The following DIS3L2 variants were observed in gnomAD, a reference collection of about 807,000 sequenced individuals.
The protein encoded by DIS3L2 is DIS3-like exonuclease 2.
A neutral mutation model predicts 97.5 loss-of-function variants in DIS3L2; 34 were observed. That is an observed-to-expected ratio of 0.35 (90% CI 0.27 to 0.46). The LOEUF is 0.46. DIS3L2 is among the 20% of genes least tolerant of loss of function. The pLI, the probability that DIS3L2 is intolerant of heterozygous loss-of-function variation, is 1.00. For missense variants in DIS3L2, 1,038 were observed against 1,146.0 expected (o/e 0.91, Z 1.36); for synonymous variants, 435 against 445.2 (o/e 0.98, Z 0.29).
At chr2:232,265,789 T>A (rs959256811) in intron 13 of DIS3L2, among the ~76,000 whole-genome samples, 1 of 152,250 alleles carries the variant, frequency 6.6e-6, no homozygotes, top group Non-Finnish European at 1.5e-5. Context: ...GCTTCATAAA[T>A]GTCTAAATTC....
chr2:232,216,755 G>C (rs1353398339), intron 10 of DIS3L2, among the ~76,000 whole-genome samples: 2 of 152,102 alleles, frequency 1.3e-5, no homozygotes, highest in African/African-American at 2.4e-5. Context: ...CGTTTTGCAG[G>C]GTCTTGAAGA....
chr2:232,181,826 T>C, intron 9 of DIS3L2, among the ~76,000 whole-genome samples: 1 of 151,958 alleles, frequency 6.6e-6, no homozygotes, highest in Non-Finnish European at 1.5e-5. Flanking sequence ...TGTTTGTTTG[T>C]TTTTTAGTAA....
At chr2:232,232,915 G>A (rs1312877856) in intron 10 of DIS3L2, among the ~76,000 whole-genome samples, 4 of 152,160 alleles carry the variant, frequency 2.6e-5, no homozygotes, top group Admixed American at 6.5e-5. Context: ...TAAGGGACAC[G>A]GAGAGGCAGA....
intron 8 of DIS3L2, among the ~76,000 whole-genome samples, chr2:232,149,139 A>G (rs1690315791): frequency 6.6e-6 from 1 of 150,428 alleles, no homozygotes; most frequent in Non-Finnish European, 1.5e-5. Context: ...CTTAAAAAAG[A>G]TACCCTGCAC....
chr2:232,113,973 A>G (rs1697622651), intron 6 of DIS3L2, among the ~76,000 whole-genome samples: 1 of 152,186 alleles, frequency 6.6e-6, no homozygotes. Flanking sequence ...ACTGCACTTG[A>G]TGGATCAGCT....
rs190615697 is a variant in DIS3L2, at chr2:232,148,174, C to A, written c.950+11455C>A. Among the ~76,000 whole-genome samples, 941 of 151,982 alleles carry A rather than the reference C, an allele frequency of 6.2e-3. 9 individuals are homozygous for A. The highest frequency in any genetic ancestry group is 0.021 in the African/African-American group (891 of 41,448). On this transcript the variant is annotated intron_variant, in intron 8 of 20. Transcript: ENST00000325385. ...AAGCGATTCTCCTGCCTCAACCTCC[C>A]AAGTAACTGAGATTACAGGTGCGCA...
chr2:232,031,499 T>C (rs1157465405), intron 5 of DIS3L2, among the ~76,000 whole-genome samples: 2 of 151,264 alleles, frequency 1.3e-5, no homozygotes, highest in African/African-American at 4.9e-5. Flanking sequence ...AGGGTTTCTT[T>C]TTTTTTTTTT....
chr2:232,331,542 G>T (rs1695738417), intron 16 of DIS3L2: 1 of 152,212 alleles, frequency 6.6e-6, no homozygotes, highest in Non-Finnish European at 1.5e-5. Flanking sequence ...AGCCATCAGG[G>T]CCTGCTTGGG....
At chr2:232,141,640 A>G (rs10200773) in intron 8 of DIS3L2, among the ~76,000 whole-genome samples, 7,476 of 152,192 alleles carry the variant, frequency 0.049, 615 homozygotes, top group African/African-American at 0.17. Context: ...CCATTGGAGC[A>G]GATGACGGAG....
At chr2:232,032,302 G>A (rs1438766830) in intron 5 of DIS3L2, among the ~76,000 whole-genome samples, 4 of 152,144 alleles carry the variant, frequency 2.6e-5, no homozygotes, top group African/African-American at 9.7e-5. Context: ...CCACATAAAT[G>A]TCTTCTTTTG....
At chr2:232,129,719 A>G (rs1461711147) in intron 6 of DIS3L2, among the ~76,000 whole-genome samples, 1 of 152,170 alleles carries the variant, frequency 6.6e-6, no homozygotes, top group Non-Finnish European at 1.5e-5. Context: ...CCTGAAAAGG[A>G]TTGATTTATT....
At chr2:232,005,165 T>C (rs960401270) in intron 1 of DIS3L2, among the ~76,000 whole-genome samples, 1 of 133,050 alleles carries the variant, frequency 7.5e-6, no homozygotes, top group Non-Finnish European at 1.6e-5. Flanking sequence ...CTTTGAAGAA[T>C]CTTGATTTTT....
intron 13 of DIS3L2, among the ~76,000 whole-genome samples, chr2:232,291,701 C>T (rs765127451): frequency 3.3e-5 from 5 of 152,240 alleles, no homozygotes; most frequent in African/African-American, 4.8e-5. Flanking sequence ...GAGGGGAGCT[C>T]TGAGCTAGCA....
intron 6 of DIS3L2, among the ~76,000 whole-genome samples, chr2:232,099,705 A>G (rs1454622392): frequency 2.6e-5 from 4 of 152,200 alleles, no homozygotes; most frequent in Non-Finnish European, 5.9e-5. Context: ...GTAAAATTGT[A>G]CCTGCTGTTT....
chr2:232,198,160 C>G (rs1175637900), intron 9 of DIS3L2, among the ~76,000 whole-genome samples: 2 of 151,958 alleles, frequency 1.3e-5, no homozygotes, highest in African/African-American at 4.8e-5. Context: ...CCTCAGTTTC[C>G]CCACCCACAA....
Position 232,103,838 on chromosome 2 carries a change from T to G in DIS3L2, c.601+16117T>G, listed in dbSNP as rs146862865. On this transcript the variant is annotated intron_variant, in intron 6 of 20. Transcript: ENST00000325385. ...TTCTCAATCTCCGGTGATTATTGAT[T>G]TCTTTAAATTTTCTTTGCATGTATT... Among the ~76,000 whole-genome samples the G allele has an allele frequency of 2.2e-3, 336 of 152,318 alleles. 1 individual carries two copies. The highest frequency in any genetic ancestry group is 0.012 in the Admixed American group (189 of 15,294).
intron 3 of DIS3L2, among the ~76,000 whole-genome samples, chr2:232,023,755 C>T (rs1694580808): frequency 6.6e-6 from 1 of 152,156 alleles, no homozygotes; most frequent in Non-Finnish European, 1.5e-5. Context: ...TTGACTCATT[C>T]AGCTCTGCAG....
intron 3 of DIS3L2, among the ~76,000 whole-genome samples, chr2:232,021,471 CATT>C (rs1320390338): frequency 1.3e-5 from 2 of 150,636 alleles, no homozygotes; most frequent in Non-Finnish European, 3.0e-5. Context: ...GAGGTAGTGT[CATT>C]AGTAGTGCTG....
intron 6 of DIS3L2, among the ~76,000 whole-genome samples, chr2:232,094,740 GA>G (rs1696953629): frequency 2.2e-5 from 3 of 136,176 alleles, no homozygotes; most frequent in Non-Finnish European, 3.2e-5. Flanking sequence ...AAAAAAGAAA[GA>G]AAAGAAAGAA....
Sources: gnomAD v4.1 joint callset for allele counts (sites outside exome capture counted in the v4.1 genomes callset) on GRCh38, gnomAD v4.1.1 for gene constraint, MANE v1.5 for transcripts, NCBI Gene and HGNC (gene_info 2026-07-23, HGNC 2026-07-21) for gene names.